The following KAZN variants were observed in gnomAD, a reference collection of about 807,000 sequenced individuals.
KAZN encodes kazrin.
Under a neutral mutation model 87.4 loss-of-function variants are expected in KAZN, and 40 were observed. The observed-to-expected ratio is 0.46, with a 90% confidence interval of 0.36 to 0.60. The LOEUF (loss-of-function observed/expected upper bound fraction) is 0.60, where lower values mean the gene tolerates loss of function less well. KAZN is among the 20% of genes least tolerant of loss of function. KAZN has a pLI of 0.00. For synonymous variants in KAZN, 466 were observed against 458.3 expected (o/e 1.02, Z -0.22); for missense variants, 898 against 1,073.9 (o/e 0.84, Z 2.29).
At chr1:13,932,494 T>C (rs1640563208) in intron 1 of KAZN, among the ~76,000 whole-genome samples, 1 of 151,946 alleles carries the variant, frequency 6.6e-6, no homozygotes, top group African/African-American at 2.4e-5. Flanking sequence ...TCTCCTGACC[T>C]CGTGATCCGC....
intron 2 of KAZN, among the ~76,000 whole-genome samples, chr1:14,324,803 C>T (rs1218377262): frequency 6.6e-6 from 1 of 152,238 alleles, no homozygotes; most frequent in South Asian, 2.1e-4. Flanking sequence ...CTGAAAATAT[C>T]CTAAGACTTA....
At chr1:14,481,465 AAG>A (rs1239787454) in intron 2 of KAZN, among the ~76,000 whole-genome samples, 2 of 152,160 alleles carry the variant, frequency 1.3e-5, no homozygotes, top group East Asian at 1.9e-4. Context: ...CTAATTAAGT[AAG>A]AGAGCAAGTT....
intron 2 of KAZN, among the ~76,000 whole-genome samples, chr1:14,290,143 C>A (rs1306114660): frequency 1.3e-5 from 2 of 152,104 alleles, no homozygotes; most frequent in Admixed American, 6.6e-5. Flanking sequence ...CTGAATCTGA[C>A]AATTATGTGT....
chr1:13,996,825 G>A (rs953836291), intron 1 of KAZN, among the ~76,000 whole-genome samples: 4 of 152,134 alleles, frequency 2.6e-5, no homozygotes, highest in Admixed American at 6.5e-5. Flanking sequence ...CCCCCCAAGC[G>A]AAGCACACCC....
chr1:14,943,897 C>T (rs1421677444), intron 1 of KAZN, among the ~76,000 whole-genome samples: 1 of 152,118 alleles, frequency 6.6e-6, no homozygotes, highest in Non-Finnish European at 1.5e-5. Flanking sequence ...CATGGTGAAA[C>T]CCTGTCTCTA....
At chr1:15,015,707 GTCCTTCTAT>G (rs1166892140) in intron 2 of KAZN, among the ~76,000 whole-genome samples, 2 of 152,156 alleles carry the variant, frequency 1.3e-5, no homozygotes, top group Non-Finnish European at 2.9e-5. Flanking sequence ...TGCTCCACAG[GTCCTTCTAT>G]ATTTTAAGGG....
At chr1:13,953,106 C>T (rs1184048821) in intron 1 of KAZN, among the ~76,000 whole-genome samples, 2 of 152,024 alleles carry the variant, frequency 1.3e-5, no homozygotes, top group African/African-American at 4.8e-5. Context: ...ACAGAACGGC[C>T]CCCGAATTCA....
intron 2 of KAZN, among the ~76,000 whole-genome samples, chr1:15,002,836 T>G (rs1668626016): frequency 6.6e-6 from 1 of 151,550 alleles, no homozygotes; most frequent in Non-Finnish European, 1.5e-5. Context: ...ATTAGCCTGG[T>G]ATGGTGGTGG....
chr1:14,979,510 G>A (rs138251303), intron 2 of KAZN, among the ~76,000 whole-genome samples: 1 of 152,236 alleles, frequency 6.6e-6, no homozygotes, highest in African/African-American at 2.4e-5. Context: ...CTGTGTCCTG[G>A]AGCTATGGGT....
intron 2 of KAZN, among the ~76,000 whole-genome samples, chr1:14,512,409 G>A (rs957113526): frequency 2.0e-5 from 3 of 152,038 alleles, no homozygotes; most frequent in South Asian, 2.1e-4. Context: ...AGCACTCACC[G>A]CCCACTGTGA....
chr1:15,046,623 A>G (rs1183395688), intron 4 of KAZN, among the ~76,000 whole-genome samples: 1 of 152,200 alleles, frequency 6.6e-6, no homozygotes, highest in Non-Finnish European at 1.5e-5. Context: ...TGGTAAAACC[A>G]CGGCAGGATG....
intron 1 of KAZN, among the ~76,000 whole-genome samples, chr1:14,101,581 A>G (rs115040596): frequency 0.02 from 3,071 of 152,288 alleles, 90 homozygotes; most frequent in South Asian, 0.066. Context: ...GGTGTCGTGG[A>G]TCATTTCTAG....
At chr1:14,816,638 TATAG>T (rs1399500798) in intron 1 of KAZN, among the ~76,000 whole-genome samples, 4 of 152,064 alleles carry the variant, frequency 2.6e-5, no homozygotes, top group African/African-American at 9.7e-5. Context: ...TATTAATAGA[TATAG>T]ATACAGATAG....
intron 2 of KAZN, among the ~76,000 whole-genome samples, chr1:15,009,814 A>AC (rs1669397388): frequency 6.6e-6 from 1 of 152,114 alleles, no homozygotes; most frequent in Admixed American, 6.6e-5. Flanking sequence ...ACATTCATCA[A>AC]CCCATGGCCA....
chr1:14,267,305 GGAA>G (rs1038169383), intron 2 of KAZN, among the ~76,000 whole-genome samples: 55 of 149,156 alleles, frequency 3.7e-4, no homozygotes, highest in African/African-American at 1.4e-3. Context: ...GGGCCACACT[GGAA>G]GAAGAATTGT....
intron 1 of KAZN, among the ~76,000 whole-genome samples, chr1:14,899,154 A>G (rs922893354): frequency 6.6e-6 from 1 of 152,118 alleles, no homozygotes; most frequent in African/African-American, 2.4e-5. Context: ...GGGCTCAGGG[A>G]CCCAACAACC....
chr1:13,945,558 C>T (rs1378246868), intron 1 of KAZN, among the ~76,000 whole-genome samples: 1 of 150,510 alleles, frequency 6.6e-6, no homozygotes, highest in African/African-American at 2.4e-5. Flanking sequence ...TTGCTAATAT[C>T]AACTCACAAT....
At chr1:14,078,961 C>T (rs1414900912) in intron 1 of KAZN, among the ~76,000 whole-genome samples, 1 of 152,234 alleles carries the variant, frequency 6.6e-6, no homozygotes, top group East Asian at 1.9e-4. Context: ...GCTGGGATTA[C>T]AGGCGTGAGC....
intron 2 of KAZN, among the ~76,000 whole-genome samples, chr1:14,424,097 T>C (rs1315687972): frequency 6.6e-6 from 1 of 152,148 alleles, no homozygotes; most frequent in Non-Finnish European, 1.5e-5. Context: ...TCTAACACAA[T>C]CCACAGAGTC....
Sources: gnomAD v4.1 joint callset for allele counts (sites outside exome capture counted in the v4.1 genomes callset) on GRCh38, gnomAD v4.1.1 for gene constraint, MANE v1.5 for transcripts, NCBI Gene and HGNC (gene_info 2026-07-23, HGNC 2026-07-21) for gene names.